Variants in CYRIB observed in about 807,000 individuals in gnomAD.
CYRIB encodes CYFIP-related Rac1 interactor B.
In CYRIB, 8 loss-of-function variants were observed where a neutral mutation model predicts 44.2. That is an observed-to-expected ratio of 0.18 (90% CI 0.11 to 0.33). The LOEUF is 0.33. Ranked by LOEUF, CYRIB falls within the 10% of genes least tolerant of loss-of-function variation. CYRIB has a pLI of 1.00. For synonymous variants in CYRIB, 131 were observed against 127.2 expected (o/e 1.03, Z -0.20); for missense variants, 185 against 382.8 (o/e 0.48, Z 4.31).
intron 2 of CYRIB, among the ~76,000 whole-genome samples, chr8:129,965,873 C>CTCTTGTCTCAA (rs2095460179): frequency 6.6e-6 from 1 of 151,878 alleles, no homozygotes; most frequent in Admixed American, 6.6e-5. Flanking sequence ...TTTTTTGAGG[C>CTCTTGTCTCAA]AGAGTCTTGC....
chr8:130,004,761 A>ATTTTTTTTTTTT (rs775327457), intron 1 of CYRIB, among the ~76,000 whole-genome samples: 1 of 123,896 alleles, frequency 8.1e-6, no homozygotes, highest in Non-Finnish European at 1.7e-5. Context: ...ATTGTCAGGA[A>ATTTTTTTTTTTT]TTTTTTTTTT....
At chr8:129,852,305 G>A (rs746481983) in intron 7 of CYRIB, 27 bp from the exon 10 acceptor site, 1 of 1,368,538 alleles carries the variant, frequency 7.3e-7, no homozygotes, top group Admixed American at 2.4e-5. Flanking sequence ...AGCACTGGAT[G>A]TTAGTTCACA....
intron 9 of CYRIB, chr8:129,849,804 A>C (rs2042284334): frequency 6.5e-6 from 1 of 154,752 alleles, no homozygotes; most frequent in Non-Finnish European, 1.4e-5. Flanking sequence ...TAGAGAATAG[A>C]TGCTACGTAA....
chr8:129,991,074 G>A (rs1487746197), intron 1 of CYRIB, among the ~76,000 whole-genome samples: 1 of 146,842 alleles, frequency 6.8e-6, no homozygotes, highest in African/African-American at 2.6e-5. Flanking sequence ...GAGGGTTGCA[G>A]TGAGCCGAGA....
chr8:129,888,484 C>G (rs544985853), intron 2 of CYRIB, among the ~76,000 whole-genome samples: 1 of 152,210 alleles, frequency 6.6e-6, no homozygotes, highest in African/African-American at 2.4e-5. Flanking sequence ...TCTTTACTCT[C>G]CACTGCACAC....
chr8:129,871,046 T>G (rs981917900), intron 4 of CYRIB, among the ~76,000 whole-genome samples: 1 of 152,178 alleles, frequency 6.6e-6, no homozygotes, highest in Non-Finnish European at 1.5e-5. Context: ...CTTTGTGATG[T>G]AAAGTCATGG....
chr8:129,941,564 G>A (rs1404261745), upstream of CYRIB, among the ~76,000 whole-genome samples: 2 of 152,030 alleles, frequency 1.3e-5, no homozygotes, highest in Non-Finnish European at 2.9e-5. Context: ...GTGAGCCACC[G>A]CCCCCAGCTG....
chr8:129,998,539 C>T (rs969084390), intron 1 of CYRIB, among the ~76,000 whole-genome samples: 1 of 152,140 alleles, frequency 6.6e-6, no homozygotes, highest in African/African-American at 2.4e-5. Context: ...CAATCAATGC[C>T]TTTGATTAAG....
intron 3 of CYRIB, among the ~76,000 whole-genome samples, chr8:129,872,419 C>G (rs778984359): frequency 6.6e-6 from 1 of 152,092 alleles, no homozygotes; most frequent in African/African-American, 2.4e-5. Flanking sequence ...ATGACTAAAT[C>G]TGGATTTCTC....
chr8:129,855,862 A>C, intron 5 of CYRIB, 115 bp from the exon 8 acceptor site: 1 of 954,652 alleles, frequency 1.0e-6, no homozygotes, highest in Non-Finnish European at 1.5e-6. Flanking sequence ...TTTAAAAAAC[A>C]GATGATCTAA....
rs148630238 is a variant in CYRIB at position 129,883,025 on chromosome 8, G to A, written c.-10-3554C>T. Among the ~76,000 whole-genome samples, 66 of 140,744 alleles carry A rather than the reference G, an allele frequency of 4.7e-4. No individual in the cohort carries two copies. In the East Asian group the frequency reaches 5.4e-3, roughly 12 times the overall value. The allele number at this position is 140,744 out of a possible 152,430, so 92.3% of individuals were successfully genotyped here. A position where few individuals can be genotyped will look rare whatever the true frequency, so the allele number is the denominator to read the frequency against. On this transcript the variant is annotated intron_variant, in intron 2 of 11. Transcript: ENST00000519824. ...AGTCTGGCCAACACAGTGAAACCCC[G>A]TCTCTACTAAAGGAGGCGGCAGTTG...
At chr8:130,001,109 T>C (rs534497410) in intron 1 of CYRIB, among the ~76,000 whole-genome samples, 1 of 152,274 alleles carries the variant, frequency 6.6e-6, no homozygotes, top group South Asian at 2.1e-4. Flanking sequence ...AGAGTCTGTC[T>C]GGAAATTTGC....
chr8:129,982,233 T>C (rs2096266069), intron 1 of CYRIB, among the ~76,000 whole-genome samples: 1 of 152,192 alleles, frequency 6.6e-6, no homozygotes. Context: ...CAGAGCCCTG[T>C]CTGTGCCATG....
chr8:129,873,468 T>G (rs1180026417), intron 3 of CYRIB, among the ~76,000 whole-genome samples: 2 of 151,988 alleles, frequency 1.3e-5, no homozygotes, highest in South Asian at 2.1e-4. Context: ...ACTTTTATAC[T>G]TACATCAGAT....
intron 1 of CYRIB, among the ~76,000 whole-genome samples, chr8:129,993,058 T>A (rs1338959089): frequency 2.0e-5 from 3 of 152,160 alleles, no homozygotes; most frequent in African/African-American, 7.2e-5. Context: ...TAACCGTGGT[T>A]GCAAGCACCC....
At chr8:129,915,469 AAATT>A (rs2080236451) in intron 1 of CYRIB, among the ~76,000 whole-genome samples, 1 of 152,198 alleles carries the variant, frequency 6.6e-6, no homozygotes, top group Non-Finnish European at 1.5e-5. Flanking sequence ...GTTTCTAAAA[AAATT>A]AATTAATAAA....
In CYRIB at chr8:129,846,889, A is replaced by C; in HGVS notation, c.841-15T>G. ...CAACCTTTCATCTAAAGAAAAAGAA[A>C]ACAGAAAAGGTAAAACAGCCATTTT... is the stretch of plus-strand genomic sequence containing the variant. On this transcript the variant is annotated splice_polypyrimidine_tract_variant and intron_variant, in intron 10 of 11. Transcript: ENST00000519824. The C allele has an allele frequency of 6.4e-7, 1 of 1,556,864 alleles. No homozygotes were observed. The highest frequency in any genetic ancestry group is 8.7e-7 in the Non-Finnish European group (1 of 1,154,890).
At chr8:129,974,662 A>T (rs898645355) in intron 1 of CYRIB, among the ~76,000 whole-genome samples, 1 of 151,836 alleles carries the variant, frequency 6.6e-6, no homozygotes, top group Non-Finnish European at 1.5e-5. Flanking sequence ...TTGCTATTTT[A>T]AAATGTTTTG....
At chr8:129,847,183 G>A (rs76373882) in intron 10 of CYRIB, 2,955 of 240,366 alleles carry the variant, frequency 0.012, 107 homozygotes, top group African/African-American at 0.064. Context: ...GACAGAATGG[G>A]CTGGGCAGGG....
Sources: gnomAD v4.1 joint callset for allele counts (sites outside exome capture counted in the v4.1 genomes callset) on GRCh38, gnomAD v4.1.1 for gene constraint, MANE v1.5 for transcripts, NCBI Gene and HGNC (gene_info 2026-07-23, HGNC 2026-07-21) for gene names.